Variants in CNBD2 observed in about 807,000 individuals in gnomAD.
CNBD2 encodes the protein cyclic nucleotide-binding domain-containing protein 2.
In CNBD2, 64 loss-of-function variants were observed where a neutral mutation model predicts 63.7. The observed-to-expected ratio is 1.00, with a 90% CI of 0.82 to 1.24. The LOEUF is 1.24. Ranked by LOEUF, CNBD2 falls within the 50% of genes most tolerant of loss-of-function variation. The pLI, the probability that CNBD2 is intolerant of heterozygous loss-of-function variation, is 0.00. For missense variants in CNBD2, 691 were observed against 713.5 expected (o/e 0.97, Z 0.36); for synonymous variants, 229 against 255.4 (o/e 0.90, Z 0.99).
rs1478782309 is a variant in CNBD2 at position 36,027,966 on chromosome 20, C to A, written c.1440-2391C>A. Among the ~76,000 whole-genome samples, 3 of 151,880 alleles carry A rather than the reference C, an allele frequency of 2.0e-5. No individual in the cohort carries two copies. The South Asian group carries it at 6.2e-4, about 32-fold the overall frequency. On this transcript the variant is annotated intron_variant, in intron 11 of 11. Transcript: ENST00000373973. ...CAGGTGTGAGCCACCGTGCCCAGCC[C>A]GGAAAATCATTAATAAATTTAAAGA... is the stretch of plus-strand genomic sequence containing the variant.
At chr20:36,015,564 A>G (rs1199216445) in intron 10 of CNBD2, among the ~76,000 whole-genome samples, 1 of 152,226 alleles carries the variant, frequency 6.6e-6, no homozygotes, top group Non-Finnish European at 1.5e-5. Flanking sequence ...GGATGAGTCT[A>G]GAACATATTG....
intron 10 of CNBD2, among the ~76,000 whole-genome samples, chr20:36,014,044 G>A (rs1036059719): frequency 1.3e-5 from 2 of 151,768 alleles, no homozygotes; most frequent in Admixed American, 6.6e-5. Context: ...TTAGCCGGGC[G>A]TGGTGGCAGG....
intron 8 of CNBD2, among the ~76,000 whole-genome samples, chr20:35,998,755 C>T (rs945603314): frequency 3.3e-5 from 5 of 151,978 alleles, no homozygotes; most frequent in Middle Eastern, 3.4e-3. Context: ...TGCCTGTAGT[C>T]CCAGCTACTT....
intron 2 of CNBD2, among the ~76,000 whole-genome samples, chr20:35,960,605 A>C (rs1365724609): frequency 6.6e-6 from 1 of 152,060 alleles, no homozygotes; most frequent in African/African-American, 2.4e-5. Context: ...CTCCTGCCTT[A>C]GCCACCCAAA....
At chr20:35,993,021 A>G (rs2056768611) in intron 7 of CNBD2, among the ~76,000 whole-genome samples, 6 of 152,048 alleles carry the variant, frequency 3.9e-5, no homozygotes, top group Admixed American at 3.9e-4. Flanking sequence ...CTCATTTCTA[A>G]CAGTTTATCA....
chr20:35,960,746 CT>C lies in CNBD2; in HGVS notation c.228+2973del, dbSNP rs1164755199. Reference sequence around the variant, plus strand: ...CCCTTCTCTTCCCTTCTCTTCCCTTCTCTTCCCTTCTCTTCCCTTCTCTTCC... The same window carrying C: ...CCCTTCTCTTCCCTTCTCTTCCCTTCCTTCCCTTCTCTTCCCTTCTCTTCC... On this transcript the variant is annotated intron_variant, in intron 2 of 4. Transcript: ENST00000622112. Among the ~76,000 whole-genome samples the C allele has an allele frequency of 1.4e-3, 107 of 74,748 alleles. 5 individuals are homozygous for C. Among genetic ancestry groups the C allele is most frequent in the African/African-American group, 8.9e-3 (105 of 11,806 alleles). 49.0% of individuals were successfully genotyped at this position (74,748 alleles called of 152,430 possible). A position where few individuals can be genotyped will look rare whatever the true frequency, so the allele number is the denominator to read the frequency against.
intron 2 of CNBD2, among the ~76,000 whole-genome samples, chr20:35,962,866 T>A (rs1451428944): frequency 3.3e-5 from 5 of 152,228 alleles, no homozygotes; most frequent in Admixed American, 6.5e-5. Context: ...GGTTTTAGTG[T>A]CAGTGTTCTC....
rs965604498 is a variant in CNBD2 at position 35,995,410 on chromosome 20, C to G, written c.970+258C>G. Among the ~76,000 whole-genome samples, 8 of 152,040 alleles carry G rather than the reference C, an allele frequency of 5.3e-5. No homozygotes were observed. In the South Asian group the frequency reaches 8.3e-4, roughly 16 times the overall value. On this transcript the variant is annotated intron_variant, in intron 8 of 11. Transcript: ENST00000373973. ...CTCCTTGCCTCACATATCCCCCACC[C>G]TTTTTTTCACCCAGCTCTCTTCTGC...
intron 9 of CNBD2, among the ~76,000 whole-genome samples, chr20:36,008,928 A>T (rs1337896783): frequency 6.7e-6 from 1 of 149,718 alleles, no homozygotes; most frequent in Non-Finnish European, 1.5e-5. Flanking sequence ...AGGTCAAGGG[A>T]CTTGACCTCT....
At chr20:35,969,420 G>A (rs2056381559) in intron 1 of CNBD2, among the ~76,000 whole-genome samples, 1 of 152,110 alleles carries the variant, frequency 6.6e-6, no homozygotes, top group South Asian at 2.1e-4. Context: ...CATTACAGGT[G>A]TAGGGAAAGC....
At position 35,971,986 on chromosome 20, in the gene CNBD2, A is replaced by G. The variant is rs6121110; in HGVS notation, c.52-643A>G. ...TGGCCCATCTTGGATTAGGTGTTAT[A>G]TAAGTTTTCTATGGCTGCCATAACA... On this transcript the variant is annotated intron_variant, in intron 1 of 11. Transcript: ENST00000373973. Among the ~76,000 whole-genome samples the G allele has an allele frequency of 9.6e-3, 1,467 of 152,310 alleles. 17 individuals are homozygous for G. Among genetic ancestry groups the G allele is most frequent in the African/African-American group, 0.033 (1,356 of 41,570 alleles).
intron 7 of CNBD2, among the ~76,000 whole-genome samples, chr20:35,990,777 C>A (rs1021022738): frequency 4.0e-5 from 6 of 151,842 alleles, no homozygotes; most frequent in Non-Finnish European, 7.4e-5. Context: ...ATGGTAAAAC[C>A]CCATCTCTAC....
At chr20:35,975,572 T>C (rs2056504131) in intron 2 of CNBD2, among the ~76,000 whole-genome samples, 1 of 152,114 alleles carries the variant, frequency 6.6e-6, no homozygotes, top group Non-Finnish European at 1.5e-5. Context: ...AGTGCTGGGA[T>C]TACAGGCGTG....
chr20:36,012,778 C>T (rs908176322), intron 10 of CNBD2, among the ~76,000 whole-genome samples: 14 of 145,640 alleles, frequency 9.6e-5, no homozygotes, highest in African/African-American at 3.3e-4. Flanking sequence ...GCTGAGATCG[C>T]GCCATTGCAC....
chr20:36,027,312 A>G (rs1217106391), intron 11 of CNBD2, among the ~76,000 whole-genome samples: 2 of 152,190 alleles, frequency 1.3e-5, no homozygotes, highest in African/African-American at 4.8e-5. Flanking sequence ...GCTGCAGGTG[A>G]TTCCAGCCCT....
chr20:35,960,937 CT>C (rs1227560924), intron 2 of CNBD2, among the ~76,000 whole-genome samples: 2 of 151,326 alleles, frequency 1.3e-5, no homozygotes, highest in African/African-American at 2.4e-5. Context: ...CGCCACCCCC[CT>C]CCTCCCGCTT....
chr20:36,009,428 T>A (rs1323830964), intron 9 of CNBD2, among the ~76,000 whole-genome samples: 1 of 151,800 alleles, frequency 6.6e-6, no homozygotes, highest in Non-Finnish European at 1.5e-5. Flanking sequence ...GGTCTCGGTC[T>A]CCTGACCTCG....
chr20:36,014,390 C>T (rs1487058639), intron 10 of CNBD2, among the ~76,000 whole-genome samples: 128 of 149,136 alleles, frequency 8.6e-4, no homozygotes, highest in African/African-American at 2.5e-3. Context: ...AGTGCAGTGG[C>T]GCCATCTCGG....
At chr20:35,965,096 T>A (rs1037869199), upstream of CNBD2, among the ~76,000 whole-genome samples, 1 of 152,216 alleles carries the variant, frequency 6.6e-6, no homozygotes. Context: ...GGACCACATC[T>A]TATTCACCTT....
Sources: allele counts gnomAD v4.1 joint callset (sites outside exome capture counted in the v4.1 genomes callset), GRCh38; gene constraint gnomAD v4.1.1; transcripts MANE v1.5; gene names NCBI Gene and HGNC (gene_info 2026-07-23, HGNC 2026-07-21).